The following FAM120B variants were observed in gnomAD, a reference collection of about 807,000 sequenced individuals.
FAM120B encodes family with sequence similarity 120 member B.
In FAM120B, 83 loss-of-function variants were observed where a neutral mutation model predicts 96.3. The observed-to-expected ratio is 0.86, with a 90% CI of 0.72 to 1.03. The LOEUF (loss-of-function observed/expected upper bound fraction) is 1.03, where lower values mean the gene tolerates loss of function less well. Ranked by LOEUF, FAM120B falls within the 50% of genes least tolerant of loss-of-function variation. FAM120B has a pLI of 0.00. For missense variants in FAM120B, 1,027 were observed against 1,121.2 expected, an observed-to-expected ratio of 0.92 and a Z score of 1.20; for synonymous variants, 407 against 402.7, an observed-to-expected ratio of 1.01 and a Z score of -0.13.
chr6:170,378,521 G>A (rs534422324), intron 6 of FAM120B, among the ~76,000 whole-genome samples: 5 of 152,344 alleles, frequency 3.3e-5, no homozygotes, highest in Admixed American at 6.5e-5. Context: ...TACGTTGAGC[G>A]CCTATTCTAT....
upstream of FAM120B, among the ~76,000 whole-genome samples, chr6:170,302,265 C>A (rs1784156181): frequency 2.6e-5 from 4 of 152,162 alleles, no homozygotes; most frequent in Admixed American, 2.6e-4. Flanking sequence ...AGGGGAAAAG[C>A]CCCTTATAAA....
At position 170,317,522 on chromosome 6, in the gene FAM120B, T is replaced by C; in HGVS notation, c.132T>C (p.Asp44=). The C allele has an allele frequency of 6.2e-7, 1 of 1,614,220 alleles. No homozygotes were observed. The highest frequency in any genetic ancestry group is 8.5e-7 in the Non-Finnish European group (1 of 1,180,040). ...YPGCTPTIVV[D]AMCCLRYWYT... ...GATGTACCCCTACCATTGTGGTTGA[T>C]GCCATGTGTTGTCTCAGATATTGGT... Residue 44 remains aspartate (D), a synonymous_variant, in exon 2 of 11, where the codon GAT becomes GAC. Coordinates refer to ENST00000476287, the MANE Select transcript of FAM120B (RefSeq NM_032448.3).
intron 9 of FAM120B, among the ~76,000 whole-genome samples, chr6:170,400,286 T>G (rs897460378): frequency 1.3e-5 from 2 of 152,160 alleles, no homozygotes; most frequent in Admixed American, 6.5e-5. Context: ...TCATAAGCCT[T>G]AGGAGTGAGT....
In FAM120B at chr6:170,376,524, G is replaced by C. The variant is rs186398724; in HGVS notation, c.2284-11763G>C. ...AGCGGGGCGTTAGAGGAATGGTAGA[G>C]CAGAGAGCGCTGGCATGCGGGGATG... is the stretch of plus-strand genomic sequence containing the variant. On this transcript the variant is annotated intron_variant, in intron 6 of 10. Coordinates refer to ENST00000476287, the MANE Select transcript of FAM120B (RefSeq NM_032448.3). 2.0e-5 allele frequency among the ~76,000 whole-genome samples: 3 copies of C among 152,248 alleles called. No individual in the cohort carries two copies. The East Asian group carries it at 5.8e-4, about 30-fold the overall frequency.
At chr6:170,345,550 G>T (rs1344384217) in intron 4 of FAM120B, among the ~76,000 whole-genome samples, 4 of 152,206 alleles carry the variant, frequency 2.6e-5, no homozygotes, top group African/African-American at 9.7e-5. Context: ...CTTTCATGTG[G>T]GGCCACTCAG....
At chr6:170,399,276 T>A in intron 9 of FAM120B, among the ~76,000 whole-genome samples, 1 of 145,930 alleles carries the variant, frequency 6.9e-6, no homozygotes, top group Admixed American at 6.7e-5. Flanking sequence ...TCATAACTCT[T>A]AGTAGTGAGT....
rs1301664203 is a variant in FAM120B at position 170,406,496 on chromosome 6, A to G, written c.*1745A>G. ...TCTTTCCTTAAAATCCTGAGTGTTT[A>G]TTAAAAAGGGACATGGTCTCTAGGT... On this transcript the variant is annotated 3_prime_UTR_variant, in exon 11 of 11. Transcript: ENST00000476287. The G allele has an allele frequency of 1.3e-5, 2 of 152,240 alleles. No individual in the cohort carries two copies. Among genetic ancestry groups the G allele is most frequent in the Admixed American group, 6.5e-5 (1 of 15,290 alleles). 9.4% of individuals were successfully genotyped at this position (152,240 alleles called of 1,614,324 possible).
intron 9 of FAM120B, among the ~76,000 whole-genome samples, chr6:170,402,226 C>T (rs1259590074): frequency 2.6e-5 from 4 of 152,190 alleles, no homozygotes; most frequent in Non-Finnish European, 4.4e-5. Context: ...TGTAGATTCC[C>T]GAATCCCTGA....
intron 6 of FAM120B, among the ~76,000 whole-genome samples, chr6:170,360,792 A>G (rs1389041600): frequency 6.6e-6 from 1 of 152,174 alleles, no homozygotes; most frequent in Non-Finnish European, 1.5e-5. Context: ...CTAAGAACAG[A>G]AAGTGAGTTT....
chr6:170,364,225 C>T (rs1266669640), intron 6 of FAM120B, among the ~76,000 whole-genome samples: 6 of 152,146 alleles, frequency 3.9e-5, no homozygotes, highest in East Asian at 1.9e-4. Flanking sequence ...CCACCTTCTC[C>T]GACCTCTTCT....
At chr6:170,324,508 T>C (rs1292248604) in intron 3 of FAM120B, among the ~76,000 whole-genome samples, 1 of 152,258 alleles carries the variant, frequency 6.6e-6, no homozygotes, top group African/African-American at 2.4e-5. Flanking sequence ...GTTTGCACAT[T>C]GACTCTAATG....
chr6:170,372,856 C>G (rs150945985), intron 6 of FAM120B, among the ~76,000 whole-genome samples: 1 of 152,128 alleles, frequency 6.6e-6, no homozygotes, highest in Non-Finnish European at 1.5e-5. Context: ...TCAAACTAGG[C>G]CTTTTGGACC....
In FAM120B at chr6:170,361,217, TATATATATATATATATATAC is replaced by T. The variant is rs1316957169; in HGVS notation, c.2283+2901_2283+2920del. Among the ~76,000 whole-genome samples the T allele has an allele frequency of 4.6e-3, 404 of 88,650 alleles. 16 individuals are homozygous for T. Among genetic ancestry groups the T allele is most frequent in the African/African-American group, 0.018 (350 of 19,216 alleles). The allele number at this position is 88,650 out of a possible 152,430, so 58.2% of individuals were successfully genotyped here. The stretch of plus-strand genomic sequence containing the variant: ...ATACGTGTATATATATATATATATA[TATATATATATATATATATAC>T]ACGTATATATATATATACGTGTATA... On this transcript the variant is annotated intron_variant, in intron 6 of 10. Transcript: ENST00000476287.
chr6:170,401,792 CG>C, intron 9 of FAM120B, among the ~76,000 whole-genome samples: 1 of 152,182 alleles, frequency 6.6e-6, no homozygotes, highest in Admixed American at 6.5e-5. Flanking sequence ...TGCTGAACCC[CG>C]GTAAGTATAA....
intron 1 of FAM120B, chr6:170,298,223 G>C (rs907201987): frequency 6.6e-6 from 1 of 152,116 alleles, no homozygotes; most frequent in African/African-American, 2.4e-5. Flanking sequence ...GCAAAGCCCT[G>C]CTCCAATAAA....
In FAM120B at chr6:170,317,760, G is replaced by A. The variant is rs1205329510; in HGVS notation, c.370G>A (p.Glu124Lys). The A allele has an allele frequency of 6.2e-7, 1 of 1,614,064 alleles. No homozygotes were observed. Among genetic ancestry groups the A allele is most frequent in the Non-Finnish European group, 8.5e-7 (1 of 1,180,036 alleles). ...TTTTCATTACATCAAGTCACACAAG[G>A]AGCAGCCAGGCAGAAATATGTTCTT... ...RIFHYIKSHK[E>K]QPGRNMFFIP... Residue 124 changes from glutamate to lysine, a missense_variant, in exon 2 of 11, where the codon GAG (glutamate) becomes AAG (lysine). Physicochemically the swap from Glu to Lys is moderately conservative, Grantham distance 56. Around this residue, in one of 3 missense-constraint regions of FAM120B, gnomAD observed 880 missense variants for 980.9 expected, o/e 0.90. Coordinates refer to ENST00000476287, the MANE Select transcript of FAM120B (RefSeq NM_032448.3).
chr6:170,383,789 A>T lies in FAM120B; in HGVS notation c.2284-4498A>T, dbSNP rs181234212. On this transcript the variant is annotated intron_variant, in intron 6 of 10. Coordinates refer to ENST00000476287, the MANE Select transcript of FAM120B (RefSeq NM_032448.3). Reference sequence around the variant, plus strand: ...TGAACTAGCAATCACATGCCTGGGCATGAAAACTTAGGTTCATTCAAAAAC... The same window carrying T: ...TGAACTAGCAATCACATGCCTGGGCTTGAAAACTTAGGTTCATTCAAAAAC... Among the ~76,000 whole-genome samples the T allele has an allele frequency of 9.3e-3, 985 of 105,762 alleles. 3 individuals are homozygous for T. The highest frequency in any genetic ancestry group is 0.012 in the Admixed American group (128 of 10,346). 69.4% of individuals were successfully genotyped at this position (105,762 alleles called of 152,430 possible).
intron 1 of FAM120B, among the ~76,000 whole-genome samples, chr6:170,310,033 GTT>G (rs1161613464): frequency 6.6e-6 from 1 of 152,156 alleles, no homozygotes; most frequent in African/African-American, 2.4e-5. Flanking sequence ...CTGTCCTATT[GTT>G]TCCTTGGGTC....
At position 170,330,495 on chromosome 6, in the gene FAM120B, TG is replaced by T. The variant is rs1314536018; in HGVS notation, c.1965del (p.Asn656ThrfsTer3). ...LAVKEWFVYP[G>X]NPLRHPDLVR... is the part of the protein sequence containing the mutation. The stretch of plus-strand genomic sequence containing the variant: ...CTGTCAAGGAGTGGTTTGTGTATCC[TG>T]GGAACCCACTGAGGCACCCGGACCT... On this transcript the variant is annotated frameshift_variant, in exon 4 of 11. Transcript: ENST00000476287. LOFTEE classifies it high-confidence loss of function. 6.2e-7 allele frequency: 1 copy of T among 1,614,048 alleles called. No individual in the cohort carries two copies. The highest frequency in any genetic ancestry group is 8.5e-7 in the Non-Finnish European group (1 of 1,180,014).
Sources: allele counts gnomAD v4.1 joint callset (sites outside exome capture counted in the v4.1 genomes callset), GRCh38; gene constraint gnomAD v4.1.1; regional missense constraint gnomAD v4.1.1; transcripts MANE v1.5; gene names NCBI Gene and HGNC (gene_info 2026-07-23, HGNC 2026-07-21).